The following NEMP2 variants were observed in gnomAD, a reference collection of about 807,000 sequenced individuals.
The protein encoded by NEMP2 is nuclear envelope integral membrane protein 2.
In NEMP2, 53 loss-of-function variants were observed where a neutral mutation model predicts 54.2. The observed-to-expected ratio is 0.98, with a 90% confidence interval of 0.78 to 1.23. The LOEUF is 1.23. NEMP2 is among the 50% of genes most tolerant of loss of function. The pLI is 0.00. For missense variants in NEMP2, 455 were observed against 511.3 expected (o/e 0.89, Z 1.06); for synonymous variants, 197 against 190.3 (o/e 1.04, Z -0.29).
At chr2:190,444,580 T>G in the NEMP2 span, among the ~76,000 whole-genome samples, 1 of 152,228 alleles carries the variant, frequency 6.6e-6, no homozygotes, top group Non-Finnish European at 1.5e-5. Context: ...ATCGAAGTCA[T>G]CATTCTCCAC....
chr2:190,500,120 G>C (rs760794680), downstream of NEMP2: 1 of 1,614,178 alleles, frequency 6.2e-7, no homozygotes, highest in Non-Finnish European at 8.5e-7. The surrounding 1 kb of genome is among the most constrained non-coding windows in gnomAD (Gnocchi z 5.3). Context: ...TGACGCAGCA[G>C]CATCTCAGAC....
chr2:190,619,335 CAA>C, the NEMP2 span, among the ~76,000 whole-genome samples: 5 of 119,130 alleles, frequency 4.2e-5, no homozygotes, highest in African/African-American at 6.3e-5. This position sits in a 1 kb window ranked among gnomAD's most constrained non-coding sequence, Gnocchi z 5.5. Flanking sequence ...CCTGTCTCCA[CAA>C]AAAAAAAAAA....
At chr2:190,534,508 G>A (rs1343655749) in intron 1 of NEMP2, 51 bp downstream of exon 1, 2 of 1,352,696 alleles carry the variant, frequency 1.5e-6, no homozygotes, top group African/African-American at 1.5e-5. Context: ...CAGCCGCGAA[G>A]CCGGGGAGCG....
At chr2:190,621,363 C>T in the NEMP2 span, among the ~76,000 whole-genome samples, 6 of 152,150 alleles carry the variant, frequency 3.9e-5, no homozygotes, top group Non-Finnish European at 2.9e-5. Context: ...TGCGTCTCAA[C>T]ATATTAAAAC....
At chr2:190,567,479 G>T in the NEMP2 span, among the ~76,000 whole-genome samples, 2 of 152,122 alleles carry the variant, frequency 1.3e-5, no homozygotes, top group African/African-American at 4.8e-5. The surrounding 1 kb of genome is among the most constrained non-coding windows in gnomAD (Gnocchi z 4.0). Flanking sequence ...ATTGAGATGT[G>T]TCAGACCATT....
At chr2:190,517,403 A>G in intron 5 of NEMP2, 117 bp downstream of exon 5, 2 of 715,122 alleles carry the variant, frequency 2.8e-6, no homozygotes, top group Non-Finnish European at 2.3e-6. Flanking sequence ...AGTTTACATA[A>G]TGAAGAAACA....
the NEMP2 span, among the ~76,000 whole-genome samples, chr2:190,636,466 T>C: frequency 6.6e-6 from 1 of 152,214 alleles, no homozygotes; most frequent in African/African-American, 2.4e-5. Flanking sequence ...AGGCTTTAAG[T>C]CTCAAAAATA....
the NEMP2 span, among the ~76,000 whole-genome samples, chr2:190,459,071 T>G: frequency 6.6e-6 from 1 of 152,214 alleles, no homozygotes. The surrounding 1 kb of genome is among the most constrained non-coding windows in gnomAD (Gnocchi z 5.3). Context: ...GAGTCTCACC[T>G]GCAGCTTTGC....
At chr2:190,569,148 A>G in the NEMP2 span, among the ~76,000 whole-genome samples, 1 of 152,184 alleles carries the variant, frequency 6.6e-6, no homozygotes, top group South Asian at 2.1e-4. Context: ...TGTCTTTTAG[A>G]CTTTGAGGAG....
At chr2:190,486,807 A>G in the NEMP2 span, among the ~76,000 whole-genome samples, 1 of 152,202 alleles carries the variant, frequency 6.6e-6, no homozygotes, top group Non-Finnish European at 1.5e-5. Flanking sequence ...CAGGGGATGG[A>G]ACCAGATGAT....
the NEMP2 span, among the ~76,000 whole-genome samples, chr2:190,468,965 T>C: frequency 1.3e-5 from 2 of 152,172 alleles, no homozygotes; most frequent in African/African-American, 4.8e-5. Flanking sequence ...AGCCACTCTT[T>C]GCTTCCAAAC....
At chr2:190,456,932 T>C in the NEMP2 span, among the ~76,000 whole-genome samples, 1 of 152,182 alleles carries the variant, frequency 6.6e-6, no homozygotes, top group Non-Finnish European at 1.5e-5. This position sits in a 1 kb window ranked among gnomAD's most constrained non-coding sequence, Gnocchi z 5.4. Flanking sequence ...TACTTTCCTC[T>C]TACCCCAGTC....
chr2:190,437,676 G>T, the NEMP2 span: 1 of 1,259,628 alleles, frequency 7.9e-7, no homozygotes, highest in East Asian at 2.4e-5. The surrounding 1 kb of genome is among the most constrained non-coding windows in gnomAD (Gnocchi z 5.9). Flanking sequence ...GGATAGGGTT[G>T]GAGTGGAAAT....
chr2:190,589,574 G>A, the NEMP2 span, among the ~76,000 whole-genome samples: 1 of 152,104 alleles, frequency 6.6e-6, no homozygotes, highest in African/African-American at 2.4e-5. This position sits in a 1 kb window ranked among gnomAD's most constrained non-coding sequence, Gnocchi z 4.3. Flanking sequence ...GGTTCTACAA[G>A]GTCTTCAATT....
chr2:190,581,332 T>C, the NEMP2 span, among the ~76,000 whole-genome samples: 1 of 152,204 alleles, frequency 6.6e-6, no homozygotes, highest in Non-Finnish European at 1.5e-5. Flanking sequence ...AAAAATATAA[T>C]GTGTTACACA....
the NEMP2 span, among the ~76,000 whole-genome samples, chr2:190,593,805 G>A: frequency 1.1e-4 from 16 of 152,160 alleles, no homozygotes; most frequent in Non-Finnish European, 2.9e-5. The surrounding 1 kb of genome is among the most constrained non-coding windows in gnomAD (Gnocchi z 4.5). Context: ...CAATTTTAAA[G>A]TTTTTAATAT....
the NEMP2 span, among the ~76,000 whole-genome samples, chr2:190,544,487 C>T: frequency 6.6e-6 from 1 of 151,878 alleles, no homozygotes; most frequent in Non-Finnish European, 1.5e-5. Context: ...AGTTGTGATT[C>T]TCAAATTTTG....
the NEMP2 span, among the ~76,000 whole-genome samples, chr2:190,562,003 A>G: frequency 6.6e-6 from 1 of 152,200 alleles, no homozygotes; most frequent in Non-Finnish European, 1.5e-5. The surrounding 1 kb of genome is among the most constrained non-coding windows in gnomAD (Gnocchi z 5.0). Context: ...GATATTCTTA[A>G]TACATAGAAA....
the NEMP2 span, among the ~76,000 whole-genome samples, chr2:190,481,480 A>G: frequency 6.6e-6 from 1 of 152,122 alleles, no homozygotes; most frequent in African/African-American, 2.4e-5. Context: ...ACCCTGTTTC[A>G]GTTCAATGTC....
Sources: gnomAD v4.1 joint callset for allele counts (sites outside exome capture counted in the v4.1 genomes callset) on GRCh38, gnomAD v4.1.1 for gene constraint, Gnocchi (gnomAD v3.1) non-coding constraint, MANE v1.5 for transcripts, NCBI Gene and HGNC (gene_info 2026-07-23, HGNC 2026-07-21) for gene names.